The following SLCO3A1 variants were observed in gnomAD, a reference collection of about 807,000 sequenced individuals.
SLCO3A1 encodes the protein solute carrier organic anion transporter family member 3A1.
In SLCO3A1, 27 loss-of-function variants were observed where a neutral mutation model predicts 63.1. The ratio of observed to expected loss-of-function variants is 0.43; its 90% confidence interval spans 0.32 to 0.59. SLCO3A1 has a LOEUF of 0.59. Among genes scored for constraint, SLCO3A1 ranks in the 20% least tolerant of loss-of-function variants. The pLI, the probability that SLCO3A1 is intolerant of heterozygous loss-of-function variation, is 0.09. For synonymous variants in SLCO3A1, 473 were observed against 409.9 expected (o/e 1.15, Z -1.86); for missense variants, 773 against 945.8 (o/e 0.82, Z 2.40).
Position 92,071,334 on chromosome 15 carries a change from A to G in SLCO3A1, c.647-23547A>G, listed in dbSNP as rs140958400. On this transcript the variant is annotated intron_variant, in intron 2 of 9. Coordinates refer to ENST00000318445, the MANE Select transcript of SLCO3A1 (RefSeq NM_013272.4). Reference sequence around the variant, plus strand: ...TGCAGGGCAAGCATTCAGAGAGCACACCAGCACACCATCCTCGCATTTGGC... The same window carrying G: ...TGCAGGGCAAGCATTCAGAGAGCACGCCAGCACACCATCCTCGCATTTGGC... Among the ~76,000 whole-genome samples the G allele has an allele frequency of 5.3e-3, 800 of 152,324 alleles. 8 individuals carry two copies. The highest frequency in any genetic ancestry group is 0.018 in the African/African-American group (741 of 41,578).
At chr15:92,000,148 C>G (rs4932599) in intron 2 of SLCO3A1, among the ~76,000 whole-genome samples, 1 of 151,834 alleles carries the variant, frequency 6.6e-6, no homozygotes, top group African/African-American at 2.4e-5. Flanking sequence ...CTTAAATTAT[C>G]TTTGGACATA....
intron 2 of SLCO3A1, among the ~76,000 whole-genome samples, chr15:91,960,993 A>C (rs1185305825): frequency 1.3e-5 from 2 of 152,204 alleles, no homozygotes; most frequent in Admixed American, 6.5e-5. Context: ...CTGTCAGACC[A>C]TAGTCTGCTC....
At chr15:92,009,863 G>A (rs149273227) in intron 2 of SLCO3A1, among the ~76,000 whole-genome samples, 179 of 152,300 alleles carry the variant, frequency 1.2e-3, no homozygotes, top group African/African-American at 4.1e-3. Flanking sequence ...ATGGGCAGGC[G>A]ATGTGCAATG....
chr15:92,143,442 A>ATATAT, intron 7 of SLCO3A1, among the ~76,000 whole-genome samples: 1 of 8,324 alleles, frequency 1.2e-4, no homozygotes, highest in African/African-American at 1.1e-3. Flanking sequence ...TATATATAAT[A>ATATAT]TATATATAAT....
intron 7 of SLCO3A1, among the ~76,000 whole-genome samples, chr15:92,136,139 A>G (rs2048054420): frequency 6.6e-6 from 1 of 152,212 alleles, no homozygotes; most frequent in Non-Finnish European, 1.5e-5. Context: ...AGAAATTTTC[A>G]TGTATCTCTG....
chr15:92,000,799 G>A (rs2046244927), intron 2 of SLCO3A1, among the ~76,000 whole-genome samples: 1 of 152,192 alleles, frequency 6.6e-6, no homozygotes, highest in Admixed American at 6.5e-5. Flanking sequence ...AGGTGTTTGT[G>A]CATGAGTGCT....
intron 2 of SLCO3A1, among the ~76,000 whole-genome samples, chr15:92,037,949 T>C (rs538157551): frequency 1.1e-4 from 16 of 152,166 alleles, no homozygotes; most frequent in Non-Finnish European, 1.8e-4. Context: ...ATCACTAGAG[T>C]CCCAGGTAAT....
Position 91,968,752 on chromosome 15 carries a change from G to A in SLCO3A1, c.646+52294G>A, listed in dbSNP as rs936227382. On this transcript the variant is annotated intron_variant, in intron 2 of 9. Coordinates refer to ENST00000318445, the MANE Select transcript of SLCO3A1 (RefSeq NM_013272.4). This position sits in a 1 kb window ranked among gnomAD's most constrained non-coding sequence, Gnocchi z 4.2. Reference sequence around the variant, plus strand: ...CAGCCGCAGTATTTACGGCACTCACGACGTGTCCAGCTTCTTTGTGCGCTC... The same window carrying A: ...CAGCCGCAGTATTTACGGCACTCACAACGTGTCCAGCTTCTTTGTGCGCTC... Among the ~76,000 whole-genome samples the A allele has an allele frequency of 1.3e-5, 2 of 152,204 alleles. No individual in the cohort carries two copies. The highest frequency in any genetic ancestry group is 4.8e-5 in the African/African-American group (2 of 41,450).
intron 1 of SLCO3A1, among the ~76,000 whole-genome samples, chr15:91,880,162 CATCCATCCATCTATCT>C (rs1422225950): frequency 8.0e-6 from 1 of 125,506 alleles, no homozygotes; most frequent in Non-Finnish European, 1.7e-5. Flanking sequence ...TCCATCCATC[CATCCATCCATCTATCT>C]ATCTATCTAT....
intron 1 of SLCO3A1, among the ~76,000 whole-genome samples, chr15:91,895,522 G>T (rs79799405): frequency 6.6e-6 from 1 of 152,308 alleles, no homozygotes; most frequent in East Asian, 1.9e-4. Context: ...TTTTATTGAC[G>T]CAGGACTTCA....
chr15:92,020,024 A>G (rs1320068625), intron 2 of SLCO3A1, among the ~76,000 whole-genome samples: 2 of 152,298 alleles, frequency 1.3e-5, no homozygotes, highest in African/African-American at 4.8e-5. Flanking sequence ...GGCGCTTCCA[A>G]AGAACTGCTG....
chr15:92,063,595 C>T (rs1490938820), intron 2 of SLCO3A1, among the ~76,000 whole-genome samples: 2 of 152,162 alleles, frequency 1.3e-5, no homozygotes, highest in Non-Finnish European at 2.9e-5. Flanking sequence ...TGTGGTGGCT[C>T]ATACCTGTAA....
intron 1 of SLCO3A1, among the ~76,000 whole-genome samples, chr15:91,874,510 A>G (rs1897351756): frequency 6.6e-6 from 1 of 152,206 alleles, no homozygotes; most frequent in Non-Finnish European, 1.5e-5. Flanking sequence ...TCCTTTTGCA[A>G]CGGGCTTGTT....
Position 92,126,368 on chromosome 15 carries a change from G to A in SLCO3A1, c.1373+109G>A, listed in dbSNP as rs73540491. 3.1e-4 allele frequency: 260 copies of A among 840,710 alleles called. No homozygotes were observed. In the African/African-American group the frequency reaches 3.6e-3, roughly 11 times the overall value. The allele number at this position is 840,710 out of a possible 1,614,324, so 52.1% of individuals were successfully genotyped here. A position where few individuals can be genotyped will look rare whatever the true frequency, so the allele number is the denominator to read the frequency against. On this transcript the variant is annotated intron_variant, in intron 6 of 9. Coordinates refer to ENST00000318445, the MANE Select transcript of SLCO3A1 (RefSeq NM_013272.4). The stretch of plus-strand genomic sequence containing the variant: ...TTTGTTCCTAGTGACCTGAGGAGAC[G>A]CATCACGGCTGCCTCTGCATCTTAC...
At position 92,099,545 on chromosome 15, in the gene SLCO3A1, C is replaced by T. The variant is rs115788797; in HGVS notation, c.745+4566C>T. 4.6e-3 allele frequency among the ~76,000 whole-genome samples: 696 copies of T among 152,164 alleles called. 5 individuals carry two copies. The highest frequency in any genetic ancestry group is 0.015 in the African/African-American group (642 of 41,524). ...TCACAATCTCAAGTATCCTCATGAG[C>T]GTGTGGGTGGGTTGGTTGGTTAGTT... is the stretch of plus-strand genomic sequence containing the variant. On this transcript the variant is annotated intron_variant, in intron 3 of 9. Transcript: ENST00000318445.
At position 91,912,150 on chromosome 15, in the gene SLCO3A1, A is replaced by G. The variant is rs969605531; in HGVS notation, c.181-3843A>G. Among the ~76,000 whole-genome samples the G allele has an allele frequency of 2.0e-5, 3 of 152,016 alleles. No individual in the cohort carries two copies. The highest frequency in any genetic ancestry group is 4.4e-5 in the Non-Finnish European group (3 of 68,024). The stretch of plus-strand genomic sequence containing the variant: ...ACCTTCTCCATTAGTCCTGTTACCC[A>G]TTAAGTAAAGGCAGTCATTCCCTTC... On this transcript the variant is annotated intron_variant, in intron 1 of 9. Coordinates refer to ENST00000318445, the MANE Select transcript of SLCO3A1 (RefSeq NM_013272.4). This position sits in a 1 kb window ranked among gnomAD's most constrained non-coding sequence, Gnocchi z 5.0.
intron 2 of SLCO3A1, among the ~76,000 whole-genome samples, chr15:92,022,945 G>A (rs189624276): frequency 1.3e-4 from 19 of 151,974 alleles, no homozygotes; most frequent in Middle Eastern, 3.4e-3. Flanking sequence ...TCAGGGAGTC[G>A]TGGGATTCTG....
intron 6 of SLCO3A1, among the ~76,000 whole-genome samples, chr15:92,127,559 T>C (rs1448822991): frequency 6.6e-6 from 1 of 152,180 alleles, no homozygotes; most frequent in Non-Finnish European, 1.5e-5. Context: ...GTCGCCATCG[T>C]CACCTTTATT....
At chr15:91,857,651 TGTGCCTATTG>T (rs1896958153) in intron 1 of SLCO3A1, among the ~76,000 whole-genome samples, 1 of 152,198 alleles carries the variant, frequency 6.6e-6, no homozygotes, top group Admixed American at 6.5e-5. Flanking sequence ...TCATTTTGTG[TGTGCCTATTG>T]GTGTTTTGCA....
Sources: gnomAD v4.1 joint callset for allele counts (sites outside exome capture counted in the v4.1 genomes callset) on GRCh38, gnomAD v4.1.1 for gene constraint, Gnocchi (gnomAD v3.1) non-coding constraint, MANE v1.5 for transcripts, NCBI Gene and HGNC (gene_info 2026-07-23, HGNC 2026-07-21) for gene names.